The following PON3 variants were observed in gnomAD, a reference collection of about 807,000 sequenced individuals.
PON3 encodes serum paraoxonase/lactonase 3.
A neutral mutation model predicts 36.3 loss-of-function variants in PON3; 37 were observed. The observed-to-expected ratio is 1.02, with a 90% CI of 0.78 to 1.34. The LOEUF (loss-of-function observed/expected upper bound fraction) is 1.34. Among genes scored for constraint, PON3 ranks in the 40% most tolerant of loss-of-function variants. The pLI is 0.00. For missense variants in PON3, 415 were observed against 426.5 expected (o/e 0.97, Z 0.24); for synonymous variants, 155 against 154.8 (o/e 1.00, Z -0.01).
chr7:95,363,643 C>T (rs1808626080), intron 6 of PON3: 1 of 585,714 alleles, frequency 1.7e-6, no homozygotes. Context: ...TCCTTATATC[C>T]TTAAGTCCAC....
At chr7:95,368,642 T>C (rs1050886826) in intron 4 of PON3, among the ~76,000 whole-genome samples, 4 of 152,094 alleles carry the variant, frequency 2.6e-5, no homozygotes, top group African/African-American at 9.7e-5. Flanking sequence ...CCTCATTCCA[T>C]CTCTATTTCT....
At chr7:95,390,042 CGGAGGTGGGATG>C in intron 3 of PON3, 100 bp downstream of exon 3, 1 of 1,146,948 alleles carries the variant, frequency 8.7e-7, no homozygotes, top group East Asian at 2.3e-5. Context: ...CTGGTTTACC[CGGAGGTGGGATG>C]AGAGCATAGG....
Position 95,394,707 on chromosome 7 carries a change from C to T in PON3, c.82G>A (p.Val28Met). ...GGCTCCACTTCTCGAGAGGCATTCA[C>T]CCTTTCTCTGTAGAAGATAAAACCC... is the stretch of plus-strand genomic sequence containing the variant. ...GEMFLAFRER[V>M]NASREVEPVE... The change falls in exon 2 of 9, where the codon GTG (valine) becomes ATG (methionine). Residue 28 changes from valine (V) to methionine (M), a missense_variant. Transcript: ENST00000265627. 1 of 1,614,034 alleles carries T rather than the reference C, an allele frequency of 6.2e-7. No individual in the cohort carries two copies.
intron 4 of PON3, among the ~76,000 whole-genome samples, chr7:95,368,806 AAAAC>A (rs1202785124): frequency 1.7e-5 from 2 of 120,542 alleles, no homozygotes; most frequent in Non-Finnish European, 3.5e-5. Context: ...AACAAAAACA[AAAAC>A]AAACAAAAAA....
At chr7:95,388,997 G>T (rs2116420440) in intron 3 of PON3, among the ~76,000 whole-genome samples, 1 of 152,096 alleles carries the variant, frequency 6.6e-6, no homozygotes, top group East Asian at 1.9e-4. Flanking sequence ...TAAATGACAA[G>T]TTAATAGGTA....
rs17885966 is a variant in PON3, at chr7:95,370,890, A to T, written c.367+1283T>A. Among the ~76,000 whole-genome samples, 808 of 152,328 alleles carry T rather than the reference A, an allele frequency of 5.3e-3. 5 individuals are homozygous for T. The highest frequency in any genetic ancestry group is 0.018 in the African/African-American group (763 of 41,566). On this transcript the variant is annotated intron_variant, in intron 4 of 8. Transcript: ENST00000265627. ...ATATTCACAGAATTGTGCAACCATA[A>T]CCACTATTTAGTTCCAGAACATTTT...
chr7:95,372,446 T>G (rs1269525571), intron 3 of PON3, 108 bp from the exon 4 acceptor site: 1 of 1,227,362 alleles, frequency 8.1e-7, no homozygotes, highest in Non-Finnish European at 1.1e-6. Context: ...GTTCTAAATT[T>G]CATTTAGATT....
intron 4 of PON3, among the ~76,000 whole-genome samples, chr7:95,371,561 C>T (rs1808808774): frequency 6.6e-6 from 1 of 152,150 alleles, no homozygotes; most frequent in African/African-American, 2.4e-5. Context: ...TGATAAACAT[C>T]TTTCATGTGC....
intron 8 of PON3, among the ~76,000 whole-genome samples, chr7:95,361,285 T>G (rs2116372618): frequency 6.6e-6 from 1 of 152,320 alleles, no homozygotes; most frequent in South Asian, 2.1e-4. Context: ...AATCATATTT[T>G]TAACTGAAAG....
At chr7:95,377,984 C>T (rs1808957988) in intron 3 of PON3, among the ~76,000 whole-genome samples, 1 of 152,124 alleles carries the variant, frequency 6.6e-6, no homozygotes, top group Non-Finnish European at 1.5e-5. Flanking sequence ...ATGTTCTAAC[C>T]CATCACAAGG....
In PON3 at chr7:95,378,874, T is replaced by C. The variant is rs374279856; in HGVS notation, c.202-6536A>G. On this transcript the variant is annotated intron_variant, in intron 3 of 8. Transcript: ENST00000265627. ...CGGGCAAAATAACCAGCTAACATCATAATGACAGGGCCAAATTCAAACATA... is the reference window on the plus strand; with the variant it reads ...CGGGCAAAATAACCAGCTAACATCACAATGACAGGGCCAAATTCAAACATA... 1.1e-4 allele frequency among the ~76,000 whole-genome samples: 17 copies of C among 152,186 alleles called. 1 individual carries two copies. Among genetic ancestry groups the C allele is most frequent in the East Asian group, 9.6e-4 (5 of 5,196 alleles).
intron 3 of PON3, among the ~76,000 whole-genome samples, chr7:95,386,874 A>G (rs1188829574): frequency 6.6e-6 from 1 of 152,194 alleles, no homozygotes; most frequent in African/African-American, 2.4e-5. Flanking sequence ...AACAGAACCA[A>G]TGACAAAAAC....
intron 5 of PON3, chr7:95,364,870 C>A (rs1414608721): frequency 6.6e-6 from 1 of 151,538 alleles, no homozygotes; most frequent in Non-Finnish European, 1.5e-5. Flanking sequence ...TTCTTACAAT[C>A]CGTAAGAAAA....
chr7:95,381,971 A>C (rs946781482), intron 3 of PON3, among the ~76,000 whole-genome samples: 1 of 152,214 alleles, frequency 6.6e-6, no homozygotes, highest in African/African-American at 2.4e-5. Context: ...TACTCAGCAA[A>C]TGTAAAAGAA....
chr7:95,369,829 T>G (rs1808772168), intron 4 of PON3, among the ~76,000 whole-genome samples: 2 of 151,988 alleles, frequency 1.3e-5, no homozygotes, highest in South Asian at 4.1e-4. Context: ...AGAGGTACAT[T>G]GAGAAGAAAT....
intron 3 of PON3, among the ~76,000 whole-genome samples, chr7:95,386,787 A>ATGATC (rs1251709250): frequency 6.6e-6 from 1 of 152,222 alleles, no homozygotes; most frequent in Non-Finnish European, 1.5e-5. Context: ...CTTATCCACC[A>ATGATC]TGATCAAGTC....
chr7:95,386,641 A>T (rs1228547848), intron 3 of PON3, among the ~76,000 whole-genome samples: 1 of 152,226 alleles, frequency 6.6e-6, no homozygotes, highest in Non-Finnish European at 1.5e-5. Flanking sequence ...TGAGGCTAGC[A>T]TCTTCCTGAT....
intron 2 of PON3, among the ~76,000 whole-genome samples, chr7:95,391,670 C>A (rs1023190812): frequency 6.6e-6 from 1 of 152,170 alleles, no homozygotes; most frequent in Non-Finnish European, 1.5e-5. Context: ...GCCTACTATA[C>A]CCTACCTAAA....
At chr7:95,390,516 T>C (rs1413441908) in intron 2 of PON3, among the ~76,000 whole-genome samples, 3 of 152,192 alleles carry the variant, frequency 2.0e-5, no homozygotes, top group Non-Finnish European at 4.4e-5. Context: ...TTCCAGGGCA[T>C]ATCCTGAGAG....
Sources: allele counts gnomAD v4.1 joint callset (sites outside exome capture counted in the v4.1 genomes callset), GRCh38; gene constraint gnomAD v4.1.1; transcripts MANE v1.5; gene names NCBI Gene and HGNC (gene_info 2026-07-23, HGNC 2026-07-21).